The following RASA1 variants were observed in gnomAD, a reference collection of about 807,000 sequenced individuals.
RASA1 encodes RAS p21 protein activator 1, also known as ras GTPase-activating protein 1.
Under a neutral mutation model 132.2 loss-of-function variants are expected in RASA1, and 25 were observed. The ratio of observed to expected loss-of-function variants is 0.19; its 90% confidence interval spans 0.14 to 0.26. RASA1 has a LOEUF of 0.26. Ranked by LOEUF, RASA1 falls within the 10% of genes least tolerant of loss-of-function variation. The pLI is 1.00. For missense variants in RASA1, 964 were observed against 1,299.2 expected, an observed-to-expected ratio of 0.74 and a Z score of 3.97; for synonymous variants, 477 against 449.9, an observed-to-expected ratio of 1.06 and a Z score of -0.76.
chr5:87,373,369 T>G (rs1761090686), intron 13 of RASA1, among the ~76,000 whole-genome samples: 1 of 152,176 alleles, frequency 6.6e-6, no homozygotes, highest in East Asian at 1.9e-4. Context: ...ATAGATTTTA[T>G]GCAGATACTA....
chr5:87,376,156 T>C, intron 15 of RASA1: 1 of 557,532 alleles, frequency 1.8e-6, no homozygotes, highest in Non-Finnish European at 3.2e-6. Context: ...AACTGACCTC[T>C]ATGCAACTCA....
rs1047833801 is a variant in RASA1 at position 87,287,251 on chromosome 5, A to G, written c.539+18261A>G. Among the ~76,000 whole-genome samples, 61 of 148,168 alleles carry G rather than the reference A, an allele frequency of 4.1e-4. 1 individual carries two copies. The highest frequency in any genetic ancestry group is 1.0e-4 in the Non-Finnish European group (7 of 66,828). ...TATACACACCATATATATACCGTAT[A>G]TATACACACCATATACACCGTATAT... On this transcript the variant is annotated intron_variant, in intron 1 of 24. Transcript: ENST00000274376.
intron 12 of RASA1, among the ~76,000 whole-genome samples, chr5:87,370,358 A>G (rs1276984564): frequency 3.9e-5 from 6 of 152,216 alleles, no homozygotes; most frequent in Non-Finnish European, 7.4e-5. Context: ...TCGAGATATA[A>G]TGTCTACTTT....
intron 15 of RASA1, 75 bp downstream of exon 15, chr5:87,374,991 T>A (rs1337345771): frequency 2.0e-6 from 3 of 1,512,740 alleles, no homozygotes; most frequent in Non-Finnish European, 2.6e-6. Context: ...ATGAAAGTCT[T>A]AAAATAGAAA....
intron 21 of RASA1, 40 bp downstream of exon 21, chr5:87,383,820 G>T (rs1270852657): frequency 3.4e-6 from 5 of 1,476,422 alleles, no homozygotes; most frequent in Non-Finnish European, 3.8e-6. Context: ...CAAAATATTA[G>T]AATTAACAGT....
In RASA1 at chr5:87,318,190, T is replaced by C. The variant is rs1374854207; in HGVS notation, c.540-13158T>C. Among the ~76,000 whole-genome samples, 6 of 152,092 alleles carry C rather than the reference T, an allele frequency of 3.9e-5. No individual in the cohort carries two copies. In the South Asian group the frequency reaches 1.2e-3, roughly 32 times the overall value. On this transcript the variant is annotated intron_variant, in intron 1 of 24. Coordinates refer to ENST00000274376, the MANE Select transcript of RASA1 (RefSeq NM_002890.3). ...CTTCTATTATAACCCCCACAAATAT[T>C]TGTGGATTCCCTACTGTATGCAAAG...
At chr5:87,348,987 T>G (rs780500141) in intron 7 of RASA1, among the ~76,000 whole-genome samples, 8 of 151,862 alleles carry the variant, frequency 5.3e-5, no homozygotes, top group Non-Finnish European at 1.0e-4. Context: ...TCTATTTTTA[T>G]GTATTAAAGC....
At chr5:87,313,169 C>T (rs1209171700) in intron 1 of RASA1, among the ~76,000 whole-genome samples, 2 of 152,140 alleles carry the variant, frequency 1.3e-5, no homozygotes, top group Non-Finnish European at 2.9e-5. Flanking sequence ...ATTTCTATCT[C>T]AGTTTTTGAT....
intron 9 of RASA1, among the ~76,000 whole-genome samples, chr5:87,353,847 A>T (rs2112433426): frequency 6.6e-6 from 1 of 152,262 alleles, no homozygotes; most frequent in East Asian, 1.9e-4. Flanking sequence ...TTAGTTGCTT[A>T]ACGCTTAGGG....
At chr5:87,295,824 T>G (rs1017887975) in intron 1 of RASA1, among the ~76,000 whole-genome samples, 7 of 150,360 alleles carry the variant, frequency 4.7e-5, no homozygotes, top group East Asian at 3.9e-4. Flanking sequence ...TAGTTTTGGT[T>G]TTTTTTTTTT....
chr5:87,280,391 C>T (rs1219673791), intron 1 of RASA1, among the ~76,000 whole-genome samples: 1 of 152,004 alleles, frequency 6.6e-6, no homozygotes, highest in Non-Finnish European at 1.5e-5. Context: ...TGGCTCATTA[C>T]AACTTCCACC....
intron 9 of RASA1, among the ~76,000 whole-genome samples, chr5:87,359,339 C>T (rs1488857667): frequency 6.6e-6 from 1 of 152,130 alleles, no homozygotes; most frequent in Non-Finnish European, 1.5e-5. Context: ...AATCTAAGAA[C>T]TATCTCTCAG....
chr5:87,299,325 T>C (rs1227046840), intron 1 of RASA1, among the ~76,000 whole-genome samples: 3 of 152,198 alleles, frequency 2.0e-5, no homozygotes, highest in Non-Finnish European at 4.4e-5. Context: ...GTTTAGCCTT[T>C]GGAAAACCTG....
chr5:87,385,678 G>C (rs956864573), intron 22 of RASA1, among the ~76,000 whole-genome samples: 22 of 152,028 alleles, frequency 1.4e-4, no homozygotes, highest in African/African-American at 4.6e-4. Context: ...AATACAAAAA[G>C]TCATTTAAAA....
chr5:87,272,506 T>G (rs1753889321), intron 1 of RASA1, among the ~76,000 whole-genome samples: 1 of 151,746 alleles, frequency 6.6e-6, no homozygotes, highest in East Asian at 1.9e-4. Flanking sequence ...ATCCGTAAAA[T>G]GGGGATAGGA....
At chr5:87,309,538 T>C (rs1250222229) in intron 1 of RASA1, among the ~76,000 whole-genome samples, 1 of 152,124 alleles carries the variant, frequency 6.6e-6, no homozygotes, top group Non-Finnish European at 1.5e-5. Flanking sequence ...CTATTGGATG[T>C]ACATAATTTA....
chr5:87,319,546 G>A (rs62368947), intron 1 of RASA1, among the ~76,000 whole-genome samples: 46 of 152,322 alleles, frequency 3.0e-4, no homozygotes, highest in South Asian at 6.2e-4. Flanking sequence ...GCCATGGCCC[G>A]AGTTGTACAT....
intron 1 of RASA1, among the ~76,000 whole-genome samples, chr5:87,275,109 G>A (rs1446639313): frequency 1.3e-5 from 2 of 152,164 alleles, no homozygotes; most frequent in African/African-American, 4.8e-5. Flanking sequence ...TAGACTTTCT[G>A]GTTGCTTTAC....
intron 1 of RASA1, among the ~76,000 whole-genome samples, chr5:87,328,037 T>C (rs1010750526): frequency 3.3e-5 from 5 of 152,218 alleles, no homozygotes; most frequent in African/African-American, 1.2e-4. Context: ...TTTTGTTTTT[T>C]ACATTGGCAT....
Sources: gnomAD v4.1 joint callset for allele counts (sites outside exome capture counted in the v4.1 genomes callset) on GRCh38, gnomAD v4.1.1 for gene constraint, MANE v1.5 for transcripts, NCBI Gene and HGNC (gene_info 2026-07-23, HGNC 2026-07-21) for gene names.